Variants in WDR5 observed in about 807,000 individuals in gnomAD.
WDR5 encodes WD repeat domain 5.
For synonymous variants in WDR5, 144 were observed against 161.6 expected, an observed-to-expected ratio of 0.89 and a Z score of 0.83; for missense variants, 187 against 416.9, an observed-to-expected ratio of 0.45 and a Z score of 4.80.
intron 1 of WDR5, among the ~76,000 whole-genome samples, chr9:134,138,079 T>G (rs531439861): frequency 6.6e-6 from 1 of 152,290 alleles, no homozygotes; most frequent in Non-Finnish European, 1.5e-5. Context: ...TTGTTTTGTT[T>G]GTTTCTTTTA....
intron 9 of WDR5, among the ~76,000 whole-genome samples, chr9:134,153,180 G>A (rs555892274): frequency 5.9e-5 from 9 of 152,188 alleles, no homozygotes; most frequent in Non-Finnish European, 1.3e-4. Context: ...GTGCGCCGCT[G>A]TTGTGTGAGC....
chr9:134,149,959 A>G (rs761426471), intron 8 of WDR5, among the ~76,000 whole-genome samples: 1 of 152,194 alleles, frequency 6.6e-6, no homozygotes, highest in Non-Finnish European at 1.5e-5. Flanking sequence ...GAGGCTGGAA[A>G]AGGGGATTGA....
intron 8 of WDR5, among the ~76,000 whole-genome samples, chr9:134,151,718 A>G (rs1478681627): frequency 6.6e-6 from 1 of 152,096 alleles, no homozygotes; most frequent in African/African-American, 2.4e-5. Flanking sequence ...TTGGGGGTCA[A>G]CTGTGGCTTG....
chr9:134,156,324 A>G (rs564993016), intron 12 of WDR5, among the ~76,000 whole-genome samples, 182 bp from the exon 13 acceptor site: 1 of 152,114 alleles, frequency 6.6e-6, no homozygotes, highest in Non-Finnish European at 1.5e-5. Context: ...GGCTGTCCCC[A>G]TTGGGAGAGG....
chr9:134,137,294 G>T (rs537574045), intron 1 of WDR5, among the ~76,000 whole-genome samples: 2 of 152,234 alleles, frequency 1.3e-5, no homozygotes, highest in Middle Eastern at 3.4e-3. Context: ...CACCGTTCCC[G>T]TAACCTTGGC....
rs776681152 is a variant in WDR5, at chr9:134,151,932, G to T, written c.585-51G>T. The T allele has an allele frequency of 2.5e-6, 4 of 1,584,572 alleles. No homozygotes were observed. In the South Asian group the frequency reaches 3.4e-5, roughly 14 times the overall value. On this transcript the variant is annotated intron_variant, in intron 8 of 13. Coordinates refer to ENST00000358625, the MANE Select transcript of WDR5 (RefSeq NM_017588.3). ...TTATATCTGACTCCCAGCAGCCCGC[G>T]TGAGATCATAACTTGTCTGCTTACG...
At chr9:134,141,119 TA>T (rs1831866307) in intron 3 of WDR5, among the ~76,000 whole-genome samples, 1 of 151,956 alleles carries the variant, frequency 6.6e-6, no homozygotes, top group South Asian at 2.1e-4. Flanking sequence ...CTGTCTCTAT[TA>T]AAAATACAAA....
chr9:134,155,829 C>A, intron 12 of WDR5, 62 bp downstream of exon 12: 2 of 1,501,754 alleles, frequency 1.3e-6, no homozygotes, highest in South Asian at 1.2e-5. Context: ...AGAGGTCACA[C>A]CTGTTACAGG....
intron 7 of WDR5, among the ~76,000 whole-genome samples, chr9:134,143,812 G>T: frequency 6.7e-6 from 1 of 148,742 alleles, no homozygotes; most frequent in Non-Finnish European, 1.5e-5. Flanking sequence ...ACTGCGCCCG[G>T]CCAAAACTCT....
intron 2 of WDR5, among the ~76,000 whole-genome samples, 193 bp from the exon 3 acceptor site, chr9:134,140,510 T>C (rs549310054): frequency 2.6e-5 from 4 of 152,094 alleles, no homozygotes; most frequent in South Asian, 2.1e-4. Context: ...TGTGGGGAAG[T>C]AGTGGGCTCA....
At chr9:134,148,838 G>A (rs575866962) in intron 8 of WDR5, among the ~76,000 whole-genome samples, 14 of 152,298 alleles carry the variant, frequency 9.2e-5, no homozygotes, top group African/African-American at 3.4e-4. Flanking sequence ...GTCTCAGCAG[G>A]TGTTTGTAGT....
Position 134,142,710 on chromosome 9 carries a change from A to G in WDR5, c.519A>G (p.Pro173=). The G allele has an allele frequency of 6.2e-7, 1 of 1,614,228 alleles. No homozygotes were observed. Among genetic ancestry groups the G allele is most frequent in the Non-Finnish European group, 8.5e-7 (1 of 1,180,034 alleles). ...CLKTLPAHSD[P]VSAVHFNRDG... is the part of the protein sequence containing the mutation. ...AGACTTTGCCAGCTCACTCGGATCC[A>G]GTCTCGGCCGTAAGTCCCTCTGACA... Residue 173 remains proline, a synonymous_variant, in exon 7 of 14, where the codon CCA becomes CCG. Coordinates refer to ENST00000358625, the MANE Select transcript of WDR5 (RefSeq NM_017588.3).
intron 8 of WDR5, among the ~76,000 whole-genome samples, chr9:134,148,731 A>G (rs1434942264): frequency 1.3e-5 from 2 of 152,094 alleles, no homozygotes; most frequent in Non-Finnish European, 2.9e-5. Flanking sequence ...CCCTGTGAGG[A>G]TGCGTCACCA....
chr9:134,147,182 T>C (rs927915822), intron 7 of WDR5, among the ~76,000 whole-genome samples: 5 of 152,276 alleles, frequency 3.3e-5, no homozygotes, highest in African/African-American at 1.2e-4. Context: ...GCTTTTCTAA[T>C]GTAGCTTCTA....
chr9:134,145,102 T>TTTTTTG (rs1832116465), intron 7 of WDR5, among the ~76,000 whole-genome samples: 1 of 118,672 alleles, frequency 8.4e-6, no homozygotes, highest in Admixed American at 8.1e-5. Context: ...CTTTGTTTTT[T>TTTTTTG]TTTTTTTTTT....
rs373618798 is a variant in WDR5, at chr9:134,142,043, G to T, written c.354+5G>T. ...AAGATATGGGACGTGAGCTCGGTAA[G>T]TGACACTCAGTGCTTCTCTCCAGGG... On this transcript the variant is annotated splice_donor_5th_base_variant and intron_variant, in intron 5 of 13. Transcript: ENST00000358625. 2.2e-5 allele frequency: 35 copies of T among 1,613,446 alleles called. No homozygotes were observed. Among genetic ancestry groups the T allele is most frequent in the Non-Finnish European group, 2.8e-5 (33 of 1,179,604 alleles).
At chr9:134,142,525 G>A in intron 6 of WDR5, 103 bp downstream of exon 6, 6 of 1,556,164 alleles carry the variant, frequency 3.9e-6, no homozygotes, top group South Asian at 2.2e-5. Flanking sequence ...TGGGCCCTGA[G>A]TCCTTTCTGT....
chr9:134,146,221 C>T (rs1832193269), intron 7 of WDR5, among the ~76,000 whole-genome samples: 1 of 150,992 alleles, frequency 6.6e-6, no homozygotes, highest in Admixed American at 6.6e-5. Flanking sequence ...CCCACCTCGG[C>T]CTCCTGAAGT....
chr9:134,140,095 AT>A, intron 2 of WDR5, 137 bp downstream of exon 2: 1 of 1,010,984 alleles, frequency 9.9e-7, no homozygotes, highest in South Asian at 1.5e-5. Context: ...CTGACCGCAT[AT>A]CTGGCGAATG....
Sources: gnomAD v4.1 joint callset for allele counts (sites outside exome capture counted in the v4.1 genomes callset) on GRCh38, gnomAD v4.1.1 for gene constraint, MANE v1.5 for transcripts, NCBI Gene and HGNC (gene_info 2026-07-23, HGNC 2026-07-21) for gene names.